The following NOL4 variants were observed in gnomAD, a reference collection of about 807,000 sequenced individuals.
The protein encoded by NOL4 is cancer/testis antigen 125.
Under a neutral mutation model 75.9 loss-of-function variants are expected in NOL4, and 17 were observed. The observed-to-expected ratio is 0.22, with a 90% CI of 0.15 to 0.34. The LOEUF (loss-of-function observed/expected upper bound fraction) is 0.34. Ranked by LOEUF, NOL4 falls within the 10% of genes least tolerant of loss-of-function variation. The probability of loss-of-function intolerance (pLI) is 1.00; values close to 1 mark genes in which losing one functional copy is unlikely to be tolerated. For missense variants in NOL4, 614 were observed against 793.5 expected (o/e 0.77, Z 2.72); for synonymous variants, 292 against 289.9 (o/e 1.01, Z -0.07).
chr18:34,140,536 A>C (rs575960924), intron 1 of NOL4, among the ~76,000 whole-genome samples: 11 of 152,050 alleles, frequency 7.2e-5, no homozygotes, highest in African/African-American at 2.4e-4. Context: ...TGCTTGGTAG[A>C]TCTTCCTCCA....
intron 6 of NOL4, among the ~76,000 whole-genome samples, chr18:33,988,080 T>C (rs1161117175): frequency 1.3e-5 from 2 of 152,094 alleles, no homozygotes; most frequent in African/African-American, 4.8e-5. Flanking sequence ...AGTCTTGGGT[T>C]TCCAGGTTAG....
intron 9 of NOL4, among the ~76,000 whole-genome samples, chr18:33,930,289 G>A (rs2067601163): frequency 6.6e-6 from 1 of 152,014 alleles, no homozygotes; most frequent in African/African-American, 2.4e-5. Context: ...TATTTCAATA[G>A]CTAATTGTTT....
At chr18:34,219,785 T>G (rs1192777327) in intron 1 of NOL4, among the ~76,000 whole-genome samples, 1 of 152,254 alleles carries the variant, frequency 6.6e-6, no homozygotes, top group Non-Finnish European at 1.5e-5. Context: ...CTCAACAAAC[T>G]GCATATGCGC....
At chr18:34,173,628 C>T (rs975992386) in intron 1 of NOL4, among the ~76,000 whole-genome samples, 1 of 151,986 alleles carries the variant, frequency 6.6e-6, no homozygotes, top group Non-Finnish European at 1.5e-5. Context: ...CCTCTGTATC[C>T]ACCAAATAAA....
intron 5 of NOL4, among the ~76,000 whole-genome samples, chr18:34,019,981 TTC>T (rs146516181): frequency 3.3e-5 from 5 of 151,018 alleles, no homozygotes; most frequent in Admixed American, 6.6e-5. Flanking sequence ...CTGGCACCTC[TTC>T]TCTCTCTCTC....
At chr18:34,222,420 C>A (rs1037805655) in intron 1 of NOL4, 187 of 1,118,146 alleles carry the variant, frequency 1.7e-4, no homozygotes, top group Non-Finnish European at 1.9e-4. Flanking sequence ...TGGGAGTGAT[C>A]GAGGCATTCG....
chr18:33,854,818 T>C (rs1322347843), intron 10 of NOL4, among the ~76,000 whole-genome samples: 5 of 151,766 alleles, frequency 3.3e-5, no homozygotes, highest in African/African-American at 9.7e-5. Context: ...TTAAGTAAAA[T>C]TGAGAAAGGG....
intron 10 of NOL4, among the ~76,000 whole-genome samples, chr18:33,872,491 T>C (rs571273499): frequency 1.3e-5 from 2 of 152,134 alleles, no homozygotes; most frequent in Non-Finnish European, 2.9e-5. Context: ...TGATATATGA[T>C]AAATGATTAA....
At chr18:34,136,870 A>G (rs1185940442) in intron 1 of NOL4, among the ~76,000 whole-genome samples, 2 of 152,136 alleles carry the variant, frequency 1.3e-5, no homozygotes, top group African/African-American at 4.8e-5. Flanking sequence ...AGCCTTTAAA[A>G]AAAAGAAATT....
chr18:33,959,936 A>AAT (rs1555673939), intron 6 of NOL4, among the ~76,000 whole-genome samples: 6 of 148,826 alleles, frequency 4.0e-5, no homozygotes, highest in Admixed American at 1.3e-4. Context: ...TTTCTTTCTA[A>AAT]GTGTGTGTGT....
intron 5 of NOL4, among the ~76,000 whole-genome samples, chr18:34,050,762 G>C (rs775234188): frequency 6.6e-6 from 1 of 152,016 alleles, no homozygotes; most frequent in Non-Finnish European, 1.5e-5. Flanking sequence ...ATGGGAAATA[G>C]GGAAAATGAG....
At chr18:34,089,914 CT>C (rs546137807) in intron 5 of NOL4, among the ~76,000 whole-genome samples, 199 of 151,248 alleles carry the variant, frequency 1.3e-3, no homozygotes, top group African/African-American at 4.5e-3. Flanking sequence ...GGTCCCATGC[CT>C]TTTTTTTTCT....
intron 6 of NOL4, among the ~76,000 whole-genome samples, chr18:33,997,575 A>G (rs1442172099): frequency 1.3e-5 from 2 of 151,288 alleles, no homozygotes; most frequent in Non-Finnish European, 3.0e-5. Context: ...CAAAGCCACA[A>G]GCATCACATT....
intron 5 of NOL4, among the ~76,000 whole-genome samples, chr18:34,065,980 T>A (rs2077259867): frequency 6.6e-6 from 1 of 151,980 alleles, no homozygotes; most frequent in African/African-American, 2.4e-5. Context: ...TGAGAGGTTT[T>A]AAATATCTGT....
intron 1 of NOL4, among the ~76,000 whole-genome samples, chr18:34,145,490 G>C (rs1568391372): frequency 6.6e-6 from 1 of 151,508 alleles, no homozygotes; most frequent in Non-Finnish European, 1.5e-5. Flanking sequence ...TAAATTTCTA[G>C]CATTCAATTT....
intron 4 of NOL4, among the ~76,000 whole-genome samples, chr18:34,098,765 T>A (rs1445597777): frequency 6.6e-6 from 1 of 152,140 alleles, no homozygotes; most frequent in East Asian, 1.9e-4. Flanking sequence ...GTAGGAAGAT[T>A]TTGGGCTCCA....
chr18:34,200,740 A>G (rs888972060), intron 1 of NOL4, among the ~76,000 whole-genome samples: 1 of 151,762 alleles, frequency 6.6e-6, no homozygotes, highest in African/African-American at 2.4e-5. Flanking sequence ...AATATAAAAA[A>G]GTTGATCTGT....
At position 33,883,348 on chromosome 18, in the gene NOL4, C is replaced by A; in HGVS notation, c.1619G>T (p.Gly540Val). 1.2e-6 allele frequency: 2 copies of A among 1,613,346 alleles called. No homozygotes were observed. The highest frequency in any genetic ancestry group is 2.2e-5 in the South Asian group (2 of 91,046). ...ATTGATGTACAGCACGTCCTGTGAG[C>A]CTGGAACAGCTGATGTTGAGTAAGT... ...QATYSTSAVP[G>V]SQDVLYINGN... The change falls in exon 10 of 11, where the codon GGC becomes GTC. Residue 540 changes from glycine to valine, a missense_variant. By Grantham distance (109) the Gly-to-Val change is moderately radical. This residue lies in a region of NOL4 where 128 missense variants were observed against 159.9 expected (regional missense o/e 0.80). Transcript: ENST00000261592.
At chr18:33,977,959 A>C (rs774923169) in intron 6 of NOL4, among the ~76,000 whole-genome samples, 52 of 152,250 alleles carry the variant, frequency 3.4e-4, no homozygotes, top group Non-Finnish European at 6.9e-4. Context: ...CCAGTAGAGA[A>C]GGAAAGAAGA....
Sources: gnomAD v4.1 joint callset for allele counts (sites outside exome capture counted in the v4.1 genomes callset) on GRCh38, gnomAD v4.1.1 for gene constraint, gnomAD v4.1.1 regional missense constraint, MANE v1.5 for transcripts, NCBI Gene and HGNC (gene_info 2026-07-23, HGNC 2026-07-21) for gene names.